ADAM10: variants seen among roughly 807,000 people sequenced by gnomAD.
The protein encoded by ADAM10 is ADAM metallopeptidase domain 10.
ADAM10 carries 17 observed loss-of-function variants against 90.1 expected under a neutral mutation model. The ratio of observed to expected loss-of-function variants is 0.19; its 90% CI spans 0.13 to 0.28. The LOEUF (loss-of-function observed/expected upper bound fraction) is 0.28, where lower values mean the gene tolerates loss of function less well. ADAM10 is among the 10% of genes least tolerant of loss of function. The pLI is 1.00. For missense variants in ADAM10, 610 were observed against 914.3 expected, an observed-to-expected ratio of 0.67 and a Z score of 4.29; for synonymous variants, 310 against 298.6, an observed-to-expected ratio of 1.04 and a Z score of -0.40.
intron 14 of ADAM10, among the ~76,000 whole-genome samples, chr15:58,603,797 G>A (rs1176217974): frequency 6.7e-5 from 9 of 133,730 alleles, no homozygotes; most frequent in African/African-American, 2.5e-4. Flanking sequence ...TTTTTAAAAA[G>A]TAAATATCCT....
chr15:58,670,031 A>G (rs1396889195), intron 4 of ADAM10, among the ~76,000 whole-genome samples: 1 of 152,096 alleles, frequency 6.6e-6, no homozygotes, highest in Non-Finnish European at 1.5e-5. Context: ...ATGCTATGAT[A>G]GTTTCACAGA....
rs1894840118 is a variant in ADAM10 at position 58,592,254 on chromosome 15, A to C, written c.*5293T>G. The C allele has an allele frequency of 6.6e-6, 1 of 152,198 alleles. No homozygotes were observed. The highest frequency in any genetic ancestry group is 2.4e-5 in the African/African-American group (1 of 41,462). The allele number at this position is 152,198 out of a possible 1,614,324, so 9.4% of individuals were successfully genotyped here. On this transcript the variant is annotated 3_prime_UTR_variant, in exon 16 of 16. Transcript: ENST00000260408. Reference sequence around the variant, plus strand: ...ACTGGCGATTATTGTCTAGATCCATAAATTGTTGGGGGGGTAAAATGGTGA... The same window carrying C: ...ACTGGCGATTATTGTCTAGATCCATCAATTGTTGGGGGGGTAAAATGGTGA...
chr15:58,635,012 G>C (rs1323744126), intron 8 of ADAM10, among the ~76,000 whole-genome samples: 2 of 151,554 alleles, frequency 1.3e-5, no homozygotes, highest in Admixed American at 1.3e-4. Flanking sequence ...ATACAAATTT[G>C]AATTACTGTT....
At chr15:58,667,946 T>C (rs1393427362) in intron 4 of ADAM10, among the ~76,000 whole-genome samples, 1 of 151,964 alleles carries the variant, frequency 6.6e-6, no homozygotes, top group Admixed American at 6.6e-5. Context: ...CACAGAGTGA[T>C]TGTCCCTAGA....
intron 2 of ADAM10, among the ~76,000 whole-genome samples, chr15:58,705,936 G>GGTTTACAAAT (rs1351223732): frequency 1.3e-5 from 2 of 152,124 alleles, no homozygotes; most frequent in East Asian, 3.8e-4. Flanking sequence ...TTTGTAAACT[G>GGTTTACAAAT]ACCTTTATCA....
chr15:58,607,598 C>T (rs7165035), intron 14 of ADAM10, among the ~76,000 whole-genome samples: 1 of 151,900 alleles, frequency 6.6e-6, no homozygotes, highest in Non-Finnish European at 1.5e-5. Context: ...CAGATACTTA[C>T]TACTTAGATG....
At chr15:58,678,716 C>G (rs1897351088) in intron 4 of ADAM10, among the ~76,000 whole-genome samples, 1 of 152,036 alleles carries the variant, frequency 6.6e-6, no homozygotes, top group African/African-American at 2.4e-5. Context: ...ACAAAAATAC[C>G]TAAAATATTC....
intron 14 of ADAM10, among the ~76,000 whole-genome samples, chr15:58,605,346 T>C (rs1184638531): frequency 6.6e-6 from 1 of 152,134 alleles, no homozygotes; most frequent in Non-Finnish European, 1.5e-5. Flanking sequence ...ATTTAGCGTG[T>C]GGGGAAATGG....
intron 1 of ADAM10, among the ~76,000 whole-genome samples, chr15:58,734,141 T>C (rs1899351870): frequency 1.3e-5 from 2 of 152,166 alleles, no homozygotes; most frequent in African/African-American, 2.4e-5. Context: ...AATCTTACCA[T>C]GTACAGAACA....
At chr15:58,707,081 T>TG (rs35135158) in intron 2 of ADAM10, among the ~76,000 whole-genome samples, 512 of 47,200 alleles carry the variant, frequency 0.011, 5 homozygotes, top group Middle Eastern at 0.02. Flanking sequence ...CTATAAACTT[T>TG]GGGGGGGGGA....
At chr15:58,613,776 A>G (rs897096857) in intron 11 of ADAM10, among the ~76,000 whole-genome samples, 3 of 152,284 alleles carry the variant, frequency 2.0e-5, no homozygotes, top group East Asian at 1.9e-4. Context: ...AAGAAAGTCT[A>G]TAAGACTTAT....
chr15:58,733,214 T>C (rs1320588424), intron 1 of ADAM10: 1 of 152,248 alleles, frequency 6.6e-6, no homozygotes, highest in African/African-American at 2.4e-5. Flanking sequence ...GACAGTGACC[T>C]CTGAATGTGA....
rs1329151602 is a variant in ADAM10 at position 58,689,951 on chromosome 15, C to A, written c.207-7637G>T. ...TTCCAAAACCAAAGACAGACCCCCC[C>A]CAAAAAAAAAAAAAAAAGACTGATA... On this transcript the variant is annotated intron_variant, in intron 2 of 15. Transcript: ENST00000260408. 1.1e-4 allele frequency among the ~76,000 whole-genome samples: 14 copies of A among 129,448 alleles called. 1 individual carries two copies. The highest frequency in any genetic ancestry group is 1.8e-4 in the Non-Finnish European group (11 of 61,828). 84.9% of individuals were successfully genotyped at this position (129,448 alleles called of 152,430 possible).
chr15:58,616,002 T>C (rs1213064892), intron 11 of ADAM10, among the ~76,000 whole-genome samples: 1 of 151,990 alleles, frequency 6.6e-6, no homozygotes. Flanking sequence ...AGCAAGACCC[T>C]GTCTCCAAAA....
chr15:58,647,248 A>ATTTTTTTT (rs67378373), intron 5 of ADAM10, among the ~76,000 whole-genome samples: 813 of 59,530 alleles, frequency 0.014, 247 homozygotes, highest in Non-Finnish European at 0.021. Context: ...GACACTAAGT[A>ATTTTTTTT]TTTTTTTTTT....
intron 9 of ADAM10, chr15:58,629,305 A>G (rs1896034267): frequency 6.6e-6 from 1 of 152,246 alleles, no homozygotes; most frequent in African/African-American, 2.4e-5. Context: ...ATAACTGCTT[A>G]GTCTGACTTG....
At chr15:58,726,179 ATGAAG>A (rs1223849273) in intron 1 of ADAM10, among the ~76,000 whole-genome samples, 1 of 152,232 alleles carries the variant, frequency 6.6e-6, no homozygotes, top group Non-Finnish European at 1.5e-5. Context: ...TATACTCCAT[ATGAAG>A]TGAAGTAATA....
intron 5 of ADAM10, among the ~76,000 whole-genome samples, chr15:58,660,515 G>A (rs150978900): frequency 0.011 from 1,609 of 151,578 alleles, 25 homozygotes; most frequent in African/African-American, 0.034. Flanking sequence ...ACAGGGTCTC[G>A]CTGTGTTGGC....
chr15:58,597,417 A>G lies in ADAM10; in HGVS notation c.*130T>C. The G allele has an allele frequency of 6.4e-7, 1 of 1,559,888 alleles. No homozygotes were observed. On this transcript the variant is annotated 3_prime_UTR_variant, in exon 16 of 16. Transcript: ENST00000260408. ...TAATTCCACCTGGTCTGAGGATATG[A>G]TCTCTTGCCATTTTTTCTTCAACTG...
Sources: gnomAD v4.1 joint callset for allele counts (sites outside exome capture counted in the v4.1 genomes callset) on GRCh38, gnomAD v4.1.1 for gene constraint, MANE v1.5 for transcripts, NCBI Gene and HGNC (gene_info 2026-07-23, HGNC 2026-07-21) for gene names.